Variants in PGBD5 observed in about 807,000 individuals in gnomAD.
The protein encoded by PGBD5 is piggyBac transposable element derived 5.
PGBD5 carries 14 observed loss-of-function variants against 47.9 expected under a neutral mutation model. The ratio of observed to expected loss-of-function variants is 0.29; its 90% CI spans 0.19 to 0.46. The LOEUF (loss-of-function observed/expected upper bound fraction) is 0.46, where lower values mean the gene tolerates loss of function less well. PGBD5 is among the 20% of genes least tolerant of loss of function. The pLI is 1.00. For synonymous variants in PGBD5, 316 were observed against 306.3 expected (o/e 1.03, Z -0.33); for missense variants, 635 against 716.0 (o/e 0.89, Z 1.29).
intron 1 of PGBD5, among the ~76,000 whole-genome samples, chr1:230,383,569 A>G (rs1656564758): frequency 6.6e-6 from 1 of 152,104 alleles, no homozygotes. Context: ...ATAGGGTCTC[A>G]CTATGTTGCC....
intron 1 of PGBD5, among the ~76,000 whole-genome samples, chr1:230,372,473 T>TC (rs984348111): frequency 6.6e-6 from 1 of 151,870 alleles, no homozygotes; most frequent in Non-Finnish European, 1.5e-5. Context: ...AAGATAAACG[T>TC]CCCCCCGCCA....
At chr1:230,397,783 T>G (rs1175507768) in intron 1 of PGBD5, among the ~76,000 whole-genome samples, 1 of 152,198 alleles carries the variant, frequency 6.6e-6, no homozygotes, top group East Asian at 1.9e-4. Context: ...TCAGAGCTTC[T>G]GAATTGGATG....
At position 230,357,179 on chromosome 1, in the gene PGBD5, GGCTCCGTC is replaced by G; in HGVS notation, c.466_473del (p.Asp156LeufsTer99). The G allele has an allele frequency of 6.2e-7, 1 of 1,614,138 alleles. No homozygotes were observed. The highest frequency in any genetic ancestry group is 8.5e-7 in the Non-Finnish European group (1 of 1,180,020). On this transcript the variant is annotated frameshift_variant, in exon 2 of 7. Coordinates refer to ENST00000391860, the MANE Select transcript of PGBD5 (RefSeq NM_001258311.2). LOFTEE classifies it high-confidence loss of function. The surrounding 1 kb of genome is among the most constrained non-coding windows in gnomAD (Gnocchi z 5.7). ...TCTCCGTCAGCGTCACCTCCACCCA[GGCTCCGTC>G]GCTCCCAAACCGCTCCTGGAACTTC...
intron 1 of PGBD5, among the ~76,000 whole-genome samples, chr1:230,419,037 C>T (rs543848620): frequency 6.6e-6 from 1 of 152,308 alleles, no homozygotes; most frequent in Admixed American, 6.5e-5. Flanking sequence ...AACAATTTGA[C>T]CCAGCCATCC....
intron 1 of PGBD5, among the ~76,000 whole-genome samples, chr1:230,358,303 G>A (rs965844087): frequency 3.3e-5 from 5 of 152,138 alleles, no homozygotes; most frequent in Admixed American, 6.5e-5. Flanking sequence ...GGAGGGAGGA[G>A]ATGCAAAGAC....
Position 230,351,050 on chromosome 1 carries a change from C to A in PGBD5, c.802G>T (p.Ala268Ser). The change falls in exon 3 of 7, where the codon GCC becomes TCC. Residue 268 changes from alanine (A) to serine (S), a missense_variant. Coordinates refer to ENST00000391860, the MANE Select transcript of PGBD5 (RefSeq NM_001258311.2). ...CGCAGCTCCCGCTCTGTGCACGTGG[C>A]AATGAATACAGGATCCTCATCGATC... ...PLIDEDPVFI[A>S]TCTERELRKR... The A allele has an allele frequency of 6.2e-7, 1 of 1,613,876 alleles. No individual in the cohort carries two copies. Among genetic ancestry groups the A allele is most frequent in the Non-Finnish European group, 8.5e-7 (1 of 1,179,912 alleles).
intron 1 of PGBD5, among the ~76,000 whole-genome samples, chr1:230,390,432 TG>T (rs1341269133): frequency 2.0e-5 from 3 of 152,150 alleles, no homozygotes; most frequent in Non-Finnish European, 2.9e-5. Context: ...ACCCCTCTTC[TG>T]GGGTGCATCC....
rs918099301 is a variant in PGBD5, at chr1:230,425,582, G to A, written c.331+16C>T. 9.8e-6 allele frequency: 12 copies of A among 1,218,638 alleles called. No individual in the cohort carries two copies. Among genetic ancestry groups the A allele is most frequent in the African/African-American group, 1.6e-5 (1 of 63,578 alleles). The allele number at this position is 1,218,638 out of a possible 1,614,324, so 75.5% of individuals were successfully genotyped here. On this transcript the variant is annotated intron_variant, in intron 1 of 6. Transcript: ENST00000391860. This position sits in a 1 kb window ranked among gnomAD's most constrained non-coding sequence, Gnocchi z 4.7. Reference sequence around the variant, plus strand: ...CCAGCGCCGCCCCCGACATCCACCCGCGGGCAGCCCCTTACCGCCGGTATC... The same window carrying A: ...CCAGCGCCGCCCCCGACATCCACCCACGGGCAGCCCCTTACCGCCGGTATC...
rs1265489645 is a variant in PGBD5 at position 230,426,149 on chromosome 1, G to A, written c.-221C>T. Reference sequence around the variant, plus strand: ...CGCCGCAGGCTGCGGGCCGCGGCGGGAGGCGAGCCGCGCGCGGGGCTGGCA... The same window carrying A: ...CGCCGCAGGCTGCGGGCCGCGGCGGAAGGCGAGCCGCGCGCGGGGCTGGCA... On this transcript the variant is annotated 5_prime_UTR_variant, in exon 1 of 7. Coordinates refer to ENST00000391860, the MANE Select transcript of PGBD5 (RefSeq NM_001258311.2). 6.9e-6 allele frequency: 1 copy of A among 145,020 alleles called. No homozygotes were observed. The highest frequency in any genetic ancestry group is 2.5e-5 in the African/African-American group (1 of 39,920). The allele number at this position is 145,020 out of a possible 1,614,324, so 9.0% of individuals were successfully genotyped here.
chr1:230,344,057 G>T (rs1044721693), intron 3 of PGBD5, among the ~76,000 whole-genome samples: 1 of 152,128 alleles, frequency 6.6e-6, no homozygotes, highest in Admixed American at 6.5e-5. Flanking sequence ...AGGCCGAGGC[G>T]GGCAGACCAC....
At chr1:230,328,808 T>G (rs1048625184) in intron 5 of PGBD5, among the ~76,000 whole-genome samples, 8 of 152,200 alleles carry the variant, frequency 5.3e-5, no homozygotes, top group African/African-American at 1.9e-4. Flanking sequence ...CCCATTAGTC[T>G]TAGTGAATGT....
intron 1 of PGBD5, among the ~76,000 whole-genome samples, chr1:230,400,654 TTTTC>T (rs200709009): frequency 3.3e-5 from 5 of 150,130 alleles, no homozygotes; most frequent in African/African-American, 4.9e-5. Context: ...AAGAAAGAGG[TTTTC>T]TTTCTTAGAA....
chr1:230,410,441 C>A (rs1657387407), intron 1 of PGBD5, among the ~76,000 whole-genome samples: 1 of 152,076 alleles, frequency 6.6e-6, no homozygotes, highest in African/African-American at 2.4e-5. Context: ...TATTTGGCAA[C>A]AAAGAAAACC....
chr1:230,324,187 CTG>C (rs1163620274), intron 6 of PGBD5, among the ~76,000 whole-genome samples: 2 of 152,234 alleles, frequency 1.3e-5, no homozygotes, highest in African/African-American at 4.8e-5. Context: ...ACTCACTGCA[CTG>C]TCTTCTCCAT....
chr1:230,353,146 C>A (rs1192540752), intron 2 of PGBD5, among the ~76,000 whole-genome samples: 1 of 152,148 alleles, frequency 6.6e-6, no homozygotes, highest in African/African-American at 2.4e-5. Context: ...GAACAGCATG[C>A]TCCCCAAAGC....
intron 2 of PGBD5, among the ~76,000 whole-genome samples, chr1:230,353,182 AC>A (rs1298533587): frequency 6.6e-6 from 1 of 151,932 alleles, no homozygotes; most frequent in East Asian, 1.9e-4. Flanking sequence ...TGCCAGAAAA[AC>A]CACTTGCTTC....
chr1:230,365,832 T>G (rs2820380), intron 1 of PGBD5, among the ~76,000 whole-genome samples: 1 of 152,032 alleles, frequency 6.6e-6, no homozygotes, highest in Non-Finnish European at 1.5e-5. Context: ...TGTGGATGAA[T>G]GACTCTTTGG....
rs926148248 is a variant in PGBD5 at position 230,357,013 on chromosome 1, A to G, written c.640T>C (p.Tyr214His). Residue 214 changes from tyrosine to histidine, a missense_variant, in exon 2 of 7, where the codon TAC becomes CAC. Coordinates refer to ENST00000391860, the MANE Select transcript of PGBD5 (RefSeq NM_001258311.2). This position sits in a 1 kb window ranked among gnomAD's most constrained non-coding sequence, Gnocchi z 5.7. ...SQARFEKILK[Y>H]FHVVAFRSSQ... ...GAGCGGAAGGCCACGACGTGGAAGT[A>G]CTTGAGGATCTTCTCGAAGCGGGCC... The G allele has an allele frequency of 1.9e-6, 3 of 1,614,044 alleles. No individual in the cohort carries two copies. In the African/African-American group the frequency reaches 4.0e-5, roughly 22 times the overall value.
intron 1 of PGBD5, among the ~76,000 whole-genome samples, chr1:230,369,737 T>C (rs181817767): frequency 2.8e-4 from 42 of 152,258 alleles, no homozygotes; most frequent in Non-Finnish European, 5.1e-4. Context: ...GGGGTACTCA[T>C]GGCATCCCAT....
Sources: allele counts gnomAD v4.1 joint callset (sites outside exome capture counted in the v4.1 genomes callset), GRCh38; gene constraint gnomAD v4.1.1; non-coding constraint Gnocchi (gnomAD v3.1); transcripts MANE v1.5; gene names NCBI Gene and HGNC (gene_info 2026-07-23, HGNC 2026-07-21).